CSGALNACT1: variants seen among roughly 807,000 people sequenced by gnomAD.
CSGALNACT1 encodes beta4GalNAcT-1.
Under a neutral mutation model 51.0 loss-of-function variants are expected in CSGALNACT1, and 52 were observed. The observed-to-expected ratio is 1.02, with a 90% CI of 0.82 to 1.29. The LOEUF (loss-of-function observed/expected upper bound fraction) is 1.29, where lower values mean the gene tolerates loss of function less well. CSGALNACT1 is among the 50% of genes most tolerant of loss of function. CSGALNACT1 has a pLI of 0.00. For missense variants in CSGALNACT1, 935 were observed against 679.2 expected (o/e 1.38, Z -4.19); for synonymous variants, 341 against 254.4 (o/e 1.34, Z -3.24).
At chr8:19,506,997 A>G (rs1029369512) in intron 3 of CSGALNACT1, among the ~76,000 whole-genome samples, 3 of 152,200 alleles carry the variant, frequency 2.0e-5, no homozygotes, top group African/African-American at 4.8e-5. Flanking sequence ...ACCTGTGTGC[A>G]CTCACTTAGA....
At chr8:19,603,217 C>A (rs1405161896), upstream of CSGALNACT1, among the ~76,000 whole-genome samples, 1 of 152,098 alleles carries the variant, frequency 6.6e-6, no homozygotes, top group Non-Finnish European at 1.5e-5. Context: ...CAGCTGGTCC[C>A]CAGTTCCTCC....
intron 5 of CSGALNACT1, among the ~76,000 whole-genome samples, chr8:19,458,108 T>C (rs972290404): frequency 1.3e-5 from 2 of 152,186 alleles, no homozygotes; most frequent in African/African-American, 4.8e-5. Context: ...GAGTCTTGGT[T>C]CCTGCTATCC....
chr8:19,492,108 C>A (rs577942932), intron 4 of CSGALNACT1, among the ~76,000 whole-genome samples: 23 of 152,226 alleles, frequency 1.5e-4, no homozygotes, highest in Non-Finnish European at 2.4e-4. Flanking sequence ...ACATTGGTAA[C>A]TAGTGAGAAT....
chr8:19,721,159 C>A (rs2063106681), intron 1 of CSGALNACT1, among the ~76,000 whole-genome samples: 1 of 152,198 alleles, frequency 6.6e-6, no homozygotes, highest in Non-Finnish European at 1.5e-5. Context: ...TACCCCAGAA[C>A]CACATTGGAG....
chr8:19,687,977 T>A (rs1468979389), intron 1 of CSGALNACT1, among the ~76,000 whole-genome samples: 2 of 152,178 alleles, frequency 1.3e-5, no homozygotes, highest in Non-Finnish European at 2.9e-5. Context: ...GTTTCTTACA[T>A]CCGTGTTGTG....
intron 2 of CSGALNACT1, among the ~76,000 whole-genome samples, chr8:19,594,403 T>A (rs2048457660): frequency 1.3e-5 from 2 of 152,174 alleles, no homozygotes; most frequent in African/African-American, 4.8e-5. Context: ...TGAGTTAAAG[T>A]ACGTGGTATC....
At chr8:19,433,144 C>G (rs11991105) in intron 6 of CSGALNACT1, among the ~76,000 whole-genome samples, 1 of 151,890 alleles carries the variant, frequency 6.6e-6, no homozygotes, top group East Asian at 1.9e-4. Context: ...CTTTATTGTG[C>G]GACCACTTAA....
intron 1 of CSGALNACT1, among the ~76,000 whole-genome samples, chr8:19,696,838 G>A (rs1197347269): frequency 6.6e-6 from 1 of 152,150 alleles, no homozygotes; most frequent in East Asian, 1.9e-4. Flanking sequence ...AGCTTAGATG[G>A]TGCTGAATCT....
Position 19,487,242 on chromosome 8 carries a change from TA to T in CSGALNACT1, c.634+17958del, listed in dbSNP as rs1358601757. Among the ~76,000 whole-genome samples the T allele has an allele frequency of 5.3e-5, 8 of 152,344 alleles. No individual in the cohort carries two copies. In the Middle Eastern group the frequency reaches 0.014, roughly 259 times the overall value. On this transcript the variant is annotated intron_variant, in intron 4 of 9. Coordinates refer to ENST00000454498, the Ensembl canonical transcript of CSGALNACT1. Reference sequence around the variant, plus strand: ...AATATCCTAGAACACAGCATTGCTTTAAAAAGACAAACAATTTCACTCCCAC... The same window carrying T: ...AATATCCTAGAACACAGCATTGCTTTAAAAGACAAACAATTTCACTCCCAC...
At chr8:19,648,265 G>A (rs1200198573) in intron 1 of CSGALNACT1, among the ~76,000 whole-genome samples, 2 of 152,132 alleles carry the variant, frequency 1.3e-5, no homozygotes, top group African/African-American at 4.8e-5. Context: ...AAGTATGGAT[G>A]GGTATTTTTA....
chr8:19,456,249 A>C (rs144727898), intron 5 of CSGALNACT1, among the ~76,000 whole-genome samples: 290 of 152,344 alleles, frequency 1.9e-3, no homozygotes, highest in African/African-American at 6.4e-3. Flanking sequence ...CTGCTATTTC[A>C]GGCCCAGGAG....
intron 3 of CSGALNACT1, among the ~76,000 whole-genome samples, chr8:19,586,533 A>T (rs2046692545): frequency 2.0e-5 from 3 of 152,164 alleles, no homozygotes; most frequent in Non-Finnish European, 4.4e-5. Flanking sequence ...GCACCACCCC[A>T]GACACACAGA....
chr8:19,416,183 C>T (rs976914004), intron 8 of CSGALNACT1, among the ~76,000 whole-genome samples: 5 of 146,174 alleles, frequency 3.4e-5, no homozygotes, highest in Admixed American at 7.3e-5. Context: ...GGCACGATCT[C>T]GGCTCACTGC....
At chr8:19,569,974 T>C (rs1033778378) in intron 3 of CSGALNACT1, among the ~76,000 whole-genome samples, 1 of 152,146 alleles carries the variant, frequency 6.6e-6, no homozygotes, top group Non-Finnish European at 1.5e-5. Context: ...ATGCTATTTG[T>C]ATGAAGTTCA....
chr8:19,700,222 T>C (rs2061790385), intron 1 of CSGALNACT1, among the ~76,000 whole-genome samples: 1 of 151,988 alleles, frequency 6.6e-6, no homozygotes, highest in Admixed American at 6.5e-5. Context: ...TAATATAAAT[T>C]GTTTACTGCA....
At chr8:19,543,796 G>T (rs1419449255) in intron 3 of CSGALNACT1, among the ~76,000 whole-genome samples, 2 of 152,178 alleles carry the variant, frequency 1.3e-5, no homozygotes, top group African/African-American at 4.8e-5. Context: ...AACTGTAAGT[G>T]CAACTAAATG....
At chr8:19,433,212 C>A (rs559705299) in intron 6 of CSGALNACT1, among the ~76,000 whole-genome samples, 1 of 152,296 alleles carries the variant, frequency 6.6e-6, no homozygotes, top group South Asian at 2.1e-4. Context: ...GTAAGTCTCT[C>A]TGATTTCGCT....
chr8:19,668,451 C>G (rs2154196320), intron 1 of CSGALNACT1, among the ~76,000 whole-genome samples: 1 of 152,188 alleles, frequency 6.6e-6, no homozygotes, highest in South Asian at 2.1e-4. Flanking sequence ...AAGTTGAATC[C>G]TTAAGTAACA....
intron 4 of CSGALNACT1, among the ~76,000 whole-genome samples, chr8:19,479,615 T>C (rs2070779080): frequency 6.6e-6 from 1 of 152,194 alleles, no homozygotes; most frequent in South Asian, 2.1e-4. Flanking sequence ...GTATAAGAAG[T>C]GCTGTTCTAA....
Sources: allele counts gnomAD v4.1 joint callset (sites outside exome capture counted in the v4.1 genomes callset), GRCh38; gene constraint gnomAD v4.1.1; transcripts MANE v1.5; gene names NCBI Gene and HGNC (gene_info 2026-07-23, HGNC 2026-07-21).